LRRC49: variants seen among roughly 807,000 people sequenced by gnomAD.
LRRC49 encodes the protein leucine-rich repeat-containing protein 49.
A neutral mutation model predicts 83.3 loss-of-function variants in LRRC49; 50 were observed. The ratio of observed to expected loss-of-function variants is 0.60; its 90% CI spans 0.48 to 0.76. The LOEUF is 0.76. LRRC49 is among the 30% of genes least tolerant of loss of function. LRRC49 has a pLI of 0.00. For missense variants in LRRC49, 704 were observed against 809.1 expected (o/e 0.87, Z 1.58); for synonymous variants, 286 against 283.3 (o/e 1.01, Z -0.10).
At chr15:70,897,005 G>A (rs564972027) in intron 3 of LRRC49, among the ~76,000 whole-genome samples, 39 of 152,202 alleles carry the variant, frequency 2.6e-4, no homozygotes, top group African/African-American at 8.7e-4. Context: ...ATTGTGTGCC[G>A]ATCACTGTTT....
chr15:70,905,642 CTG>C (rs1276179806), intron 5 of LRRC49, among the ~76,000 whole-genome samples: 3 of 152,150 alleles, frequency 2.0e-5, no homozygotes, highest in East Asian at 1.9e-4. Context: ...ACAGGGAAAA[CTG>C]TGTATTTTTA....
intron 15 of LRRC49, among the ~76,000 whole-genome samples, chr15:71,049,046 T>C (rs562843510): frequency 5.3e-5 from 8 of 152,220 alleles, no homozygotes; most frequent in Non-Finnish European, 8.8e-5. Context: ...TGTATCCTGA[T>C]ACATTTACCA....
At chr15:70,921,103 CA>C (rs2034989381) in intron 7 of LRRC49, among the ~76,000 whole-genome samples, 1 of 152,068 alleles carries the variant, frequency 6.6e-6, no homozygotes, top group African/African-American at 2.4e-5. Context: ...TCTTTTTAAC[CA>C]TAAGATCTCA....
chr15:70,910,441 T>G (rs2034504723), intron 5 of LRRC49, among the ~76,000 whole-genome samples: 1 of 152,154 alleles, frequency 6.6e-6, no homozygotes, highest in Non-Finnish European at 1.5e-5. Flanking sequence ...ATGATCCAAG[T>G]TCTGAAAACA....
rs778832112 is a variant in LRRC49 at position 70,904,745 on chromosome 15, G to A, written c.490G>A (p.Gly164Arg). The A allele has an allele frequency of 6.2e-7, 1 of 1,610,176 alleles. No homozygotes were observed. The highest frequency in any genetic ancestry group is 8.5e-7 in the Non-Finnish European group (1 of 1,177,892). Reference protein sequence around the residue: ...TLRCLRVLLLGKNRIKKISNL... With the variant: ...TLRCLRVLLLRKNRIKKISNL... ...GAGATGTCTTCGTGTCCTTCTGTTG[G>A]GGAAAAACAGGTATTCTTTGTAGAG... The change falls in exon 5 of 16, where the codon GGG becomes AGG. Residue 164 changes from glycine to arginine, a missense_variant. Gly to Arg is a moderately radical substitution (Grantham distance 125, BLOSUM62 -2). This residue lies in a region of LRRC49 where 261 missense variants were observed against 330.5 expected (regional missense o/e 0.79). Transcript: ENST00000260382.
chr15:70,968,056 G>A (rs999883809), intron 9 of LRRC49, among the ~76,000 whole-genome samples: 2 of 151,940 alleles, frequency 1.3e-5, no homozygotes, highest in Non-Finnish European at 2.9e-5. Context: ...TGTTACATAG[G>A]TATACAGGTG....
At chr15:70,995,096 G>C (rs886412624) in intron 11 of LRRC49, among the ~76,000 whole-genome samples, 4 of 152,034 alleles carry the variant, frequency 2.6e-5, no homozygotes, top group African/African-American at 9.7e-5. Context: ...GTCTGAAAAA[G>C]AACAAAGAGA....
chr15:71,002,025 G>A (rs2038277173), intron 11 of LRRC49, among the ~76,000 whole-genome samples: 3 of 152,088 alleles, frequency 2.0e-5, no homozygotes, highest in Admixed American at 1.3e-4. Context: ...AGTACAAAGT[G>A]AAGAATTTTA....
At chr15:70,955,685 C>T (rs573894733) in intron 8 of LRRC49, among the ~76,000 whole-genome samples, 1 of 152,294 alleles carries the variant, frequency 6.6e-6, no homozygotes, top group South Asian at 2.1e-4. Flanking sequence ...ATTTACCTCT[C>T]TTGGTTCCTA....
At chr15:70,953,407 T>G (rs1224058890) in intron 8 of LRRC49, among the ~76,000 whole-genome samples, 1 of 152,198 alleles carries the variant, frequency 6.6e-6, no homozygotes, top group African/African-American at 2.4e-5. Flanking sequence ...TGGAATGATA[T>G]GGAATTCTTG....
intron 1 of LRRC49, chr15:70,859,660 G>A: frequency 1.5e-6 from 1 of 648,414 alleles, no homozygotes; most frequent in Non-Finnish European, 2.9e-6. Flanking sequence ...ACATCAGCCG[G>A]CTCCAGGCTG....
chr15:70,956,528 CGA>C (rs770176548), intron 8 of LRRC49, among the ~76,000 whole-genome samples: 3 of 147,476 alleles, frequency 2.0e-5, no homozygotes, highest in Non-Finnish European at 4.5e-5. Flanking sequence ...GGTGGGGTGG[CGA>C]GAGAGAGAGA....
intron 1 of LRRC49, chr15:70,853,959 C>A: frequency 1.4e-6 from 2 of 1,454,152 alleles, no homozygotes; most frequent in Non-Finnish European, 9.1e-7. Context: ...GCCGGGTCCC[C>A]GGCGCCCCGA....
At chr15:70,980,924 T>TACAAAA (rs2037374853) in intron 10 of LRRC49, among the ~76,000 whole-genome samples, 1 of 152,092 alleles carries the variant, frequency 6.6e-6, no homozygotes, top group East Asian at 1.9e-4. Flanking sequence ...GGCAAGGTGG[T>TACAAAA]ATGTACCTGA....
intron 9 of LRRC49, among the ~76,000 whole-genome samples, chr15:70,966,801 A>G (rs920388315): frequency 1.3e-5 from 2 of 152,130 alleles, no homozygotes; most frequent in Non-Finnish European, 1.5e-5. Context: ...GTACTAGGAT[A>G]TATATTAGAC....
intron 11 of LRRC49, among the ~76,000 whole-genome samples, chr15:71,005,119 G>T (rs967769188): frequency 1.3e-5 from 2 of 152,102 alleles, no homozygotes; most frequent in Non-Finnish European, 2.9e-5. Flanking sequence ...TAATGTCTGT[G>T]TCAGGTTTGC....
chr15:70,911,161 C>T (rs1216481387), intron 5 of LRRC49, among the ~76,000 whole-genome samples: 1 of 152,108 alleles, frequency 6.6e-6, no homozygotes, highest in Non-Finnish European at 1.5e-5. Context: ...AGTGAGCGAG[C>T]CTGTGGTAGG....
intron 14 of LRRC49, among the ~76,000 whole-genome samples, chr15:71,031,398 C>A (rs962801068): frequency 1.3e-5 from 2 of 152,224 alleles, no homozygotes; most frequent in Admixed American, 1.3e-4. Context: ...TGGCCTGATG[C>A]CAGCCAGCAC....
At chr15:70,879,630 G>A (rs1423375789) in intron 2 of LRRC49, among the ~76,000 whole-genome samples, 1 of 152,100 alleles carries the variant, frequency 6.6e-6, no homozygotes. Flanking sequence ...AGATTTGGGT[G>A]GAGTTTATGA....
Sources: allele counts gnomAD v4.1 joint callset (sites outside exome capture counted in the v4.1 genomes callset), GRCh38; gene constraint gnomAD v4.1.1; regional missense constraint gnomAD v4.1.1; transcripts MANE v1.5; gene names NCBI Gene and HGNC (gene_info 2026-07-23, HGNC 2026-07-21).